The following CADPS2 variants were observed in gnomAD, a reference collection of about 807,000 sequenced individuals.
The protein encoded by CADPS2 is calcium-dependent secretion activator 2.
A neutral mutation model predicts 172.5 loss-of-function variants in CADPS2; 93 were observed. The observed-to-expected ratio is 0.54, with a 90% CI of 0.46 to 0.64. CADPS2 has a LOEUF of 0.64. Ranked by LOEUF, CADPS2 falls within the 30% of genes least tolerant of loss-of-function variation. The pLI is 0.00. For missense variants in CADPS2, 1,420 were observed against 1,565.9 expected, an observed-to-expected ratio of 0.91 and a Z score of 1.57; for synonymous variants, 546 against 555.2, an observed-to-expected ratio of 0.98 and a Z score of 0.23.
intron 1 of CADPS2, among the ~76,000 whole-genome samples, chr7:122,803,972 T>TG (rs1233843621): frequency 9.8e-5 from 9 of 92,278 alleles, no homozygotes; most frequent in Admixed American, 2.4e-4. Flanking sequence ...CAGGCTTGAA[T>TG]GGAAAAAAAA....
chr7:122,355,898 A>C (rs959024752), intron 27 of CADPS2, among the ~76,000 whole-genome samples: 6 of 152,348 alleles, frequency 3.9e-5, no homozygotes, highest in Admixed American at 3.3e-4. Context: ...GGTATTATTA[A>C]GTCCTTGGCC....
At chr7:122,438,559 C>G in intron 16 of CADPS2, 95 bp from the exon 17 acceptor site, 1 of 1,355,750 alleles carries the variant, frequency 7.4e-7, no homozygotes, top group Non-Finnish European at 1.0e-6. Context: ...ATACTAAAGA[C>G]AAATTACACA....
chr7:122,497,912 C>T (rs2058874670), intron 9 of CADPS2, among the ~76,000 whole-genome samples: 1 of 152,146 alleles, frequency 6.6e-6, no homozygotes, highest in Non-Finnish European at 1.5e-5. Flanking sequence ...AAGGCTTATA[C>T]ATCCATGTGG....
chr7:122,698,097 A>G (rs2085409641), intron 2 of CADPS2: 1 of 1,614,068 alleles, frequency 6.2e-7, no homozygotes, highest in Non-Finnish European at 8.5e-7. Context: ...AAAAATGTTT[A>G]CAAGTCAGAA....
intron 8 of CADPS2, among the ~76,000 whole-genome samples, chr7:122,529,722 G>A (rs936882444): frequency 6.6e-6 from 1 of 151,996 alleles, no homozygotes; most frequent in African/African-American, 2.4e-5. Context: ...AATTAAGAAG[G>A]TATGTTATTT....
chr7:122,846,859 T>C (rs1005575656), intron 1 of CADPS2, among the ~76,000 whole-genome samples: 8 of 152,142 alleles, frequency 5.3e-5, no homozygotes, highest in Non-Finnish European at 8.8e-5. Flanking sequence ...CTGCAGCAAA[T>C]CTCTACCAAA....
intron 1 of CADPS2, among the ~76,000 whole-genome samples, chr7:122,754,926 T>C (rs1252207419): frequency 6.6e-6 from 1 of 152,206 alleles, no homozygotes; most frequent in Non-Finnish European, 1.5e-5. Context: ...AACATATTCT[T>C]AAGAACATAG....
chr7:122,674,113 C>T (rs2082156207), intron 2 of CADPS2, among the ~76,000 whole-genome samples: 1 of 152,116 alleles, frequency 6.6e-6, no homozygotes, highest in African/African-American at 2.4e-5. Flanking sequence ...TGCTGGCTGG[C>T]CGCTCCAAGT....
At chr7:122,658,279 T>C (rs2080064750) in intron 3 of CADPS2, among the ~76,000 whole-genome samples, 1 of 152,194 alleles carries the variant, frequency 6.6e-6, no homozygotes, top group South Asian at 2.1e-4. Context: ...GGAACACTTT[T>C]ACACTGTTGG....
At chr7:122,723,771 A>C (rs2090759850) in intron 2 of CADPS2, among the ~76,000 whole-genome samples, 1 of 152,182 alleles carries the variant, frequency 6.6e-6, no homozygotes, top group African/African-American at 2.4e-5. Context: ...AAGACTTGGA[A>C]CCAACACAAA....
At chr7:122,771,445 A>G (rs1478186422) in intron 1 of CADPS2, among the ~76,000 whole-genome samples, 2 of 152,168 alleles carry the variant, frequency 1.3e-5, no homozygotes, top group African/African-American at 4.8e-5. Flanking sequence ...CCATCCTATC[A>G]CCCAACAAAT....
intron 1 of CADPS2, among the ~76,000 whole-genome samples, chr7:122,794,602 TG>T (rs1795973000): frequency 6.6e-6 from 1 of 152,078 alleles, no homozygotes; most frequent in South Asian, 2.1e-4. Context: ...AGCTCAGTAC[TG>T]GATCAAAGGG....
chr7:122,404,367 C>T (rs887245707), intron 20 of CADPS2, among the ~76,000 whole-genome samples: 1 of 152,244 alleles, frequency 6.6e-6, no homozygotes, highest in Non-Finnish European at 1.5e-5. Flanking sequence ...TGTATATGGG[C>T]CACATTTCTT....
chr7:122,627,025 A>G (rs2076152943), intron 4 of CADPS2, among the ~76,000 whole-genome samples: 1 of 152,058 alleles, frequency 6.6e-6, no homozygotes, highest in African/African-American at 2.4e-5. Context: ...GGTGTTCCTG[A>G]ATGCCAACTA....
At chr7:122,791,176 C>G (rs1427823722) in intron 1 of CADPS2, among the ~76,000 whole-genome samples, 1 of 152,158 alleles carries the variant, frequency 6.6e-6, no homozygotes, top group African/African-American at 2.4e-5. Context: ...ATGAGATTCA[C>G]ATGCTGAAGT....
chr7:122,636,541 CT>C (rs1554680034), intron 3 of CADPS2, among the ~76,000 whole-genome samples: 1 of 144,888 alleles, frequency 6.9e-6, no homozygotes, highest in Non-Finnish European at 1.5e-5. Context: ...TCTTGGCTCA[CT>C]GCAATCTCCG....
chr7:122,479,634 C>T (rs926230637), intron 12 of CADPS2, among the ~76,000 whole-genome samples: 4 of 152,146 alleles, frequency 2.6e-5, no homozygotes, highest in Non-Finnish European at 5.9e-5. Flanking sequence ...CAGCCAATAA[C>T]ACGTAAGTAA....
In CADPS2 at chr7:122,860,780, A is replaced by T. The variant is rs146210679; in HGVS notation, c.339+25219T>A. Reference sequence around the variant, plus strand: ...CTTGGTAACCACTATTATACTCTCTACTTCTATGAGATCAACTTTTTTAGG... The same window carrying T: ...CTTGGTAACCACTATTATACTCTCTTCTTCTATGAGATCAACTTTTTTAGG... On this transcript the variant is annotated intron_variant, in intron 1 of 29. Coordinates refer to ENST00000449022, the MANE Select transcript of CADPS2 (RefSeq NM_017954.11). Among the ~76,000 whole-genome samples the T allele has an allele frequency of 6.7e-3, 1,012 of 152,016 alleles. 7 individuals carry two copies. Among genetic ancestry groups the T allele is most frequent in the Middle Eastern group, 0.034 (10 of 294 alleles).
At chr7:122,828,121 C>G (rs1310538397) in intron 1 of CADPS2, among the ~76,000 whole-genome samples, 1 of 152,138 alleles carries the variant, frequency 6.6e-6, no homozygotes, top group African/African-American at 2.4e-5. Context: ...ATCATCATGT[C>G]TCTGTGGTAG....
Sources: allele counts gnomAD v4.1 joint callset (sites outside exome capture counted in the v4.1 genomes callset), GRCh38; gene constraint gnomAD v4.1.1; transcripts MANE v1.5; gene names NCBI Gene and HGNC (gene_info 2026-07-23, HGNC 2026-07-21).